The following ZEB1 variants were observed in gnomAD, a reference collection of about 807,000 sequenced individuals.
ZEB1 encodes the protein zinc finger E-box-binding homeobox 1.
ZEB1 carries 21 observed loss-of-function variants against 84.9 expected under a neutral mutation model. The ratio of observed to expected loss-of-function variants is 0.25; its 90% CI spans 0.18 to 0.36. The LOEUF is 0.36. Among genes scored for constraint, ZEB1 ranks in the 10% least tolerant of loss-of-function variants. ZEB1 has a pLI of 1.00. For synonymous variants in ZEB1, 420 were observed against 471.1 expected (o/e 0.89, Z 1.41); for missense variants, 1,104 against 1,330.2 (o/e 0.83, Z 2.65).
At chr10:31,476,622 G>A (rs2064234778) in intron 2 of ZEB1, among the ~76,000 whole-genome samples, 1 of 151,738 alleles carries the variant, frequency 6.6e-6, no homozygotes. Context: ...TGTGATACTT[G>A]TTATCTCCCT....
At chr10:31,490,866 A>G (rs2066432163) in intron 2 of ZEB1, among the ~76,000 whole-genome samples, 1 of 151,756 alleles carries the variant, frequency 6.6e-6, no homozygotes, top group Non-Finnish European at 1.5e-5. Flanking sequence ...TTAACAGGCA[A>G]TTTATCCAGT....
At chr10:31,368,708 T>C (rs930913324) in intron 1 of ZEB1, among the ~76,000 whole-genome samples, 8 of 152,236 alleles carry the variant, frequency 5.3e-5, no homozygotes, top group Non-Finnish European at 1.0e-4. Context: ...TGGTTTTATA[T>C]GCTAAAATAT....
chr10:31,418,014 T>C lies in ZEB1; in HGVS notation c.59-43023T>C, dbSNP rs569125430. On this transcript the variant is annotated intron_variant, in intron 1 of 8. Coordinates refer to ENST00000424869, the MANE Select transcript of ZEB1 (RefSeq NM_001174096.2). ...TCTAGGAGTGTCAAGCAAACTTTTT[T>C]AGTAGAAGCAGCCTCTGCACCAAGG... Among the ~76,000 whole-genome samples, 17 of 152,114 alleles carry C rather than the reference T, an allele frequency of 1.1e-4. No homozygotes were observed. The East Asian group carries it at 3.3e-3, about 29-fold the overall frequency.
At chr10:31,526,453 C>T (rs1179417267) in intron 8 of ZEB1, among the ~76,000 whole-genome samples, 1 of 152,072 alleles carries the variant, frequency 6.6e-6, no homozygotes, top group South Asian at 2.1e-4. Context: ...TCCCATTGAC[C>T]TAATCATCTG....
At position 31,438,266 on chromosome 10, in the gene ZEB1, A is replaced by G. The variant is rs1284634271; in HGVS notation, c.59-22771A>G. Among the ~76,000 whole-genome samples the G allele has an allele frequency of 2.0e-5, 3 of 152,336 alleles. No individual in the cohort carries two copies. In the East Asian group the frequency reaches 5.8e-4, roughly 29 times the overall value. Reference sequence around the variant, plus strand: ...CTTTTCATTTTATATAATGTTATGTAGCCATGAATAGGAAAGGTAAATGTT... The same window carrying G: ...CTTTTCATTTTATATAATGTTATGTGGCCATGAATAGGAAAGGTAAATGTT... On this transcript the variant is annotated intron_variant, in intron 1 of 8. Coordinates refer to ENST00000424869, the MANE Select transcript of ZEB1 (RefSeq NM_001174096.2).
At chr10:31,362,131 C>A (rs2043290023) in intron 1 of ZEB1, among the ~76,000 whole-genome samples, 1 of 151,704 alleles carries the variant, frequency 6.6e-6, no homozygotes, top group African/African-American at 2.4e-5. Context: ...GGCGGCGGGG[C>A]AGAGGCGCTC....
At chr10:31,413,987 C>T (rs543297051) in intron 1 of ZEB1, among the ~76,000 whole-genome samples, 31 of 152,304 alleles carry the variant, frequency 2.0e-4, no homozygotes, top group African/African-American at 7.5e-4. Context: ...AAAGACCGCC[C>T]CTTCCAAATT....
At chr10:31,494,152 A>G (rs2138963613) in intron 2 of ZEB1, among the ~76,000 whole-genome samples, 2 of 152,098 alleles carry the variant, frequency 1.3e-5, no homozygotes, top group East Asian at 3.9e-4. Flanking sequence ...ACTGTTTATT[A>G]TTTTAGTTTA....
intron 1 of ZEB1, among the ~76,000 whole-genome samples, chr10:31,449,257 C>A (rs567760841): frequency 2.0e-5 from 3 of 152,262 alleles, no homozygotes; most frequent in African/African-American, 7.2e-5. Flanking sequence ...GGCAATGCCT[C>A]GCCCTGCTTC....
intron 1 of ZEB1, among the ~76,000 whole-genome samples, chr10:31,458,216 T>G (rs2061450682): frequency 6.6e-6 from 1 of 152,100 alleles, no homozygotes; most frequent in Non-Finnish European, 1.5e-5. Flanking sequence ...AATGCCAACT[T>G]AAAATGACTT....
chr10:31,390,898 AT>A (rs1209046232), intron 1 of ZEB1, among the ~76,000 whole-genome samples: 2 of 152,104 alleles, frequency 1.3e-5, no homozygotes, highest in African/African-American at 2.4e-5. Context: ...ATTTTAGTAC[AT>A]TTTTGAAGCA....
chr10:31,522,917 A>G (rs1451276847), intron 7 of ZEB1, among the ~76,000 whole-genome samples: 3 of 152,194 alleles, frequency 2.0e-5, no homozygotes, highest in Non-Finnish European at 4.4e-5. Context: ...ATTCCTCTAA[A>G]TTTTTAGTGT....
At chr10:31,357,444 C>A (rs531347647) in intron 1 of ZEB1, among the ~76,000 whole-genome samples, 2 of 151,970 alleles carry the variant, frequency 1.3e-5, no homozygotes, top group Non-Finnish European at 2.9e-5. Flanking sequence ...AAGAACATAG[C>A]GATCTGAGTA....
chr10:31,362,706 C>T (rs1436192644), intron 1 of ZEB1: 1 of 485,002 alleles, frequency 2.1e-6, no homozygotes, highest in Non-Finnish European at 3.8e-6. Flanking sequence ...CAGAGGCGCT[C>T]CTCACTTCCC....
chr10:31,458,540 C>G (rs866425528), intron 1 of ZEB1, among the ~76,000 whole-genome samples: 2 of 151,880 alleles, frequency 1.3e-5, no homozygotes, highest in African/African-American at 4.8e-5. Context: ...CATCTTGACA[C>G]GTATTTTCTC....
At chr10:31,457,139 A>G (rs1169852099) in intron 1 of ZEB1, among the ~76,000 whole-genome samples, 1 of 152,170 alleles carries the variant, frequency 6.6e-6, no homozygotes, top group Non-Finnish European at 1.5e-5. Context: ...ATGATCACCT[A>G]TGATTGTTAT....
intron 1 of ZEB1, among the ~76,000 whole-genome samples, chr10:31,349,397 T>A (rs1232439495): frequency 6.6e-6 from 1 of 152,176 alleles, no homozygotes; most frequent in African/African-American, 2.4e-5. Context: ...TACAGATACC[T>A]CATCAACACA....
rs2139777610 is a variant in ZEB1 at position 31,520,047 on chromosome 10, T to C, written c.794-79T>C. On this transcript the variant is annotated intron_variant, in intron 6 of 8. Transcript: ENST00000424869. The surrounding 1 kb of genome is among the most constrained non-coding windows in gnomAD (Gnocchi z 5.1). The stretch of plus-strand genomic sequence containing the variant: ...GTCTTCTTTTTAAAATTGATACCGC[T>C]TGTTTTAGGGAAATGAGGATACATA... 1 of 1,544,146 alleles carries C rather than the reference T, an allele frequency of 6.5e-7. No homozygotes were observed. The highest frequency in any genetic ancestry group is 2.4e-5 in the East Asian group (1 of 41,832).
rs538280043 is a variant in ZEB1 at position 31,526,708 on chromosome 10, C to T, written c.2822C>T (p.Ala941Val). 6.2e-7 allele frequency: 1 copy of T among 1,614,048 alleles called. No homozygotes were observed. The highest frequency in any genetic ancestry group is 1.3e-5 in the African/African-American group (1 of 75,034). The stretch of plus-strand genomic sequence containing the variant: ...CATGAGTGTGGAATCTGTAAAAAGG[C>T]ATTTAAACACAAACATCATTTGATT... ...RPHECGICKKAFKHKHHLIEH... is the reference protein window; with the variant it reads ...RPHECGICKKVFKHKHHLIEH... The change falls in exon 9 of 9, where the codon GCA (alanine) becomes GTA (valine). Residue 941 changes from alanine (A) to valine (V), a missense_variant. Physicochemically the swap from Ala to Val is moderately conservative, Grantham distance 64 (BLOSUM62 0). Coordinates refer to ENST00000424869, the MANE Select transcript of ZEB1 (RefSeq NM_001174096.2).
Sources: allele counts gnomAD v4.1 joint callset (sites outside exome capture counted in the v4.1 genomes callset), GRCh38; gene constraint gnomAD v4.1.1; non-coding constraint Gnocchi (gnomAD v3.1); transcripts MANE v1.5; gene names NCBI Gene and HGNC (gene_info 2026-07-23, HGNC 2026-07-21).